Variants in TPCN1 observed in about 807,000 individuals in gnomAD.
The protein encoded by TPCN1 is two pore segment channel 1.
In TPCN1, 52 loss-of-function variants were observed where a neutral mutation model predicts 108.8. The ratio of observed to expected loss-of-function variants is 0.48; its 90% CI spans 0.38 to 0.60. TPCN1 has a LOEUF of 0.60. TPCN1 is among the 20% of genes least tolerant of loss of function. The pLI, the probability that TPCN1 is intolerant of heterozygous loss-of-function variation, is 0.00. For synonymous variants in TPCN1, 446 were observed against 433.7 expected (o/e 1.03, Z -0.35); for missense variants, 806 against 1,072.8 (o/e 0.75, Z 3.47).
chr12:113,272,700 A>G lies in TPCN1; in HGVS notation c.783+8A>G. 1.2e-6 allele frequency: 2 copies of G among 1,613,258 alleles called. No homozygotes were observed. On this transcript the variant is annotated splice_region_variant and intron_variant, in intron 8 of 27. Coordinates refer to ENST00000335509, the MANE Select transcript of TPCN1 (RefSeq NM_017901.6). The surrounding 1 kb of genome is among the most constrained non-coding windows in gnomAD (Gnocchi z 4.1). The stretch of plus-strand genomic sequence containing the variant: ...CCTAACCCTTCAGACCCCGTAAGTA[A>G]TCAGCACATTTGTCCGTCTCTTCTT...
At chr12:113,279,337 GTATATATA>G (rs1453740057) in intron 14 of TPCN1, among the ~76,000 whole-genome samples, 1 of 100,442 alleles carries the variant, frequency 1.0e-5, no homozygotes, top group African/African-American at 4.2e-5. Flanking sequence ...GTGTGTGTGT[GTATATATA>G]TGTGTGTGTG....
rs1202882586 is a variant in TPCN1, at chr12:113,270,556, C to T, written c.748+711C>T. ...AGTGCAGTGGCACGATCTCGGCTTA[C>T]TACAACCTCTGCCTCCCAGGTTCAA... On this transcript the variant is annotated intron_variant, in intron 7 of 27. Transcript: ENST00000335509. Among the ~76,000 whole-genome samples the T allele has an allele frequency of 5.3e-5, 8 of 151,884 alleles. No homozygotes were observed. In the East Asian group the frequency reaches 1.6e-3, roughly 30 times the overall value.
chr12:113,252,703 C>A (rs76010357), intron 2 of TPCN1, among the ~76,000 whole-genome samples: 3,394 of 152,344 alleles, frequency 0.022, 52 homozygotes, highest in Middle Eastern at 0.037. Flanking sequence ...CACGAGGACG[C>A]AGCTCCATCC....
At position 113,289,899 on chromosome 12, in the gene TPCN1, G is replaced by T. The variant is rs1402800837; in HGVS notation, c.1797-229G>T. 4 of 497,420 alleles carry T rather than the reference G, an allele frequency of 8.0e-6. No homozygotes were observed. Among genetic ancestry groups the T allele is most frequent in the Non-Finnish European group, 3.6e-6 (1 of 279,754 alleles). The allele number at this position is 497,420 out of a possible 1,614,324, so 30.8% of individuals were successfully genotyped here. ...AGACAACTTCCAGGTGACAGAGGTGGGTCAGGCTGGCCAGGGGATCCCGCC... is the reference window on the plus strand; with the variant it reads ...AGACAACTTCCAGGTGACAGAGGTGTGTCAGGCTGGCCAGGGGATCCCGCC... On this transcript the variant is annotated intron_variant, in intron 21 of 27. Transcript: ENST00000335509. This position sits in a 1 kb window ranked among gnomAD's most constrained non-coding sequence, Gnocchi z 4.1.
chr12:113,290,252 G>GA lies in TPCN1; in HGVS notation c.1912+14dup. ...CATCCTCAACAGCTTTGGTGAGTGG[G>GA]AAAAATCACAGGGGGCACATTCCCT... is the stretch of plus-strand genomic sequence containing the variant. On this transcript the variant is annotated intron_variant, in intron 22 of 27. Coordinates refer to ENST00000335509, the MANE Select transcript of TPCN1 (RefSeq NM_017901.6). 3 of 1,564,138 alleles carry GA rather than the reference G, an allele frequency of 1.9e-6. No individual in the cohort carries two copies. Among genetic ancestry groups the GA allele is most frequent in the Non-Finnish European group, 2.6e-6 (3 of 1,145,680 alleles).
chr12:113,278,200 T>G lies in TPCN1; in HGVS notation c.1196T>G (p.Phe399Cys). The change falls in exon 13 of 28, where the codon TTT (phenylalanine) becomes TGT (cysteine). Residue 399 changes from phenylalanine to cysteine, a missense_variant. Transcript: ENST00000335509. ...TTTGCTTTTGGTAGCCTAAAGGACT[T>G]TTACGATATCTACGAAGTTGCTGCT... ...NNTPLLSLKD[F>C]YDIYEVAALK... is the part of the protein sequence containing the mutation. The G allele has an allele frequency of 6.2e-7, 1 of 1,613,788 alleles. No individual in the cohort carries two copies. The highest frequency in any genetic ancestry group is 8.5e-7 in the Non-Finnish European group (1 of 1,179,800).
Position 113,272,682 on chromosome 12 carries a change from C to T in TPCN1, c.773C>T (p.Pro258Leu). 6.2e-7 allele frequency: 1 copy of T among 1,610,460 alleles called. No homozygotes were observed. Among genetic ancestry groups the T allele is most frequent in the South Asian group, 1.1e-5 (1 of 90,810 alleles). Residue 258 changes from proline (P) to leucine (L), a missense_variant, in exon 8 of 28, where the codon CCT becomes CTT. By Grantham distance (98) the Pro-to-Leu change is moderately conservative (BLOSUM62 -3). Transcript: ENST00000335509. This position sits in a 1 kb window ranked among gnomAD's most constrained non-coding sequence, Gnocchi z 4.1. The part of the protein sequence containing the change: ...ILGFYLFSPN[P>L]SDPYFSTLEN... The stretch of plus-strand genomic sequence containing the variant: ...GGTTTCTACTTGTTCTCCCCTAACC[C>T]TTCAGACCCCGTAAGTAATCAGCAC...
chr12:113,280,375 A>G lies in TPCN1; in HGVS notation c.1342+180A>G, dbSNP rs998455074. The stretch of plus-strand genomic sequence containing the variant: ...ACACGCATCCCCGTGCCCATCACCC[A>G]TCTGTATCTTCACTCCGGCTCATCA... On this transcript the variant is annotated intron_variant, in intron 15 of 27. Transcript: ENST00000335509. The G allele has an allele frequency of 2.2e-5, 11 of 493,266 alleles. No homozygotes were observed. In the East Asian group the frequency reaches 3.0e-4, roughly 13 times the overall value. The allele number at this position is 493,266 out of a possible 1,614,324, so 30.6% of individuals were successfully genotyped here. A position where few individuals can be genotyped will look rare whatever the true frequency, so the allele number is the denominator to read the frequency against.
intron 2 of TPCN1, among the ~76,000 whole-genome samples, chr12:113,251,004 A>G (rs1042111355): frequency 4.0e-5 from 6 of 151,622 alleles, no homozygotes; most frequent in Non-Finnish European, 8.8e-5. Flanking sequence ...AAAAATAAAA[A>G]TAGAAGAATT....
chr12:113,281,198 G>A (rs764367129), intron 15 of TPCN1, among the ~76,000 whole-genome samples: 3 of 151,638 alleles, frequency 2.0e-5, no homozygotes, highest in Non-Finnish European at 4.4e-5. Context: ...GTGCCACCAC[G>A]CCCAGCTGTT....
At position 113,292,908 on chromosome 12, in the gene TPCN1, C is replaced by T. The variant is rs1301240665; in HGVS notation, c.2114-26C>T. 4.4e-6 allele frequency: 7 copies of T among 1,605,086 alleles called. No homozygotes were observed. In the East Asian group the frequency reaches 1.6e-4, roughly 36 times the overall value. ...TTGGCAGCTGCAGCCCCGGGCCCTTCCCACACCTGCCTTCCATCCCTGCAG... is the reference window on the plus strand; with the variant it reads ...TTGGCAGCTGCAGCCCCGGGCCCTTTCCACACCTGCCTTCCATCCCTGCAG... On this transcript the variant is annotated intron_variant, in intron 25 of 27. Transcript: ENST00000335509.
chr12:113,277,947 C>T (rs190269476), intron 12 of TPCN1, among the ~76,000 whole-genome samples: 7 of 152,266 alleles, frequency 4.6e-5, no homozygotes, highest in South Asian at 2.1e-4. Context: ...TGACACTGTC[C>T]GTAGTTAGTG....
intron 27 of TPCN1, among the ~76,000 whole-genome samples, chr12:113,293,855 T>C (rs191989231): frequency 6.6e-6 from 1 of 152,282 alleles, no homozygotes; most frequent in East Asian, 1.9e-4. Context: ...TGTTTTGTTT[T>C]GAGATGGAGT....
chr12:113,289,906 C>G lies in TPCN1; in HGVS notation c.1797-222C>G, dbSNP rs1956212819. On this transcript the variant is annotated intron_variant, in intron 21 of 27. Transcript: ENST00000335509. The surrounding 1 kb of genome is among the most constrained non-coding windows in gnomAD (Gnocchi z 4.1). ...TTCCAGGTGACAGAGGTGGGTCAGG[C>G]TGGCCAGGGGATCCCGCCAAGCCCA... The G allele has an allele frequency of 1.0e-5, 5 of 500,956 alleles. No homozygotes were observed. Among genetic ancestry groups the G allele is most frequent in the Admixed American group, 3.6e-5 (1 of 27,652 alleles). 31.0% of individuals were successfully genotyped at this position (500,956 alleles called of 1,614,324 possible).
Position 113,266,017 on chromosome 12 carries a change from G to A in TPCN1, c.238-163G>A, listed in dbSNP as rs1191377212. Among the ~76,000 whole-genome samples the A allele has an allele frequency of 2.7e-5, 4 of 150,454 alleles. No individual in the cohort carries two copies. Among genetic ancestry groups the A allele is most frequent in the Non-Finnish European group, 4.4e-5 (3 of 67,996 alleles). On this transcript the variant is annotated intron_variant, in intron 3 of 27. Transcript: ENST00000335509. This position sits in a 1 kb window ranked among gnomAD's most constrained non-coding sequence, Gnocchi z 4.2. ...CAGGCAGGAGTGAGACCTGACCACCGTGAGTTTCGCGAAGATCATTTTGAT... is the reference window on the plus strand; with the variant it reads ...CAGGCAGGAGTGAGACCTGACCACCATGAGTTTCGCGAAGATCATTTTGAT...
rs577477149 is a variant in TPCN1, at chr12:113,266,321, G to A, written c.379G>A (p.Ala127Thr). 2.5e-6 allele frequency: 4 copies of A among 1,610,698 alleles called. No individual in the cohort carries two copies. In the African/African-American group the frequency reaches 5.3e-5, roughly 22 times the overall value. Reference sequence around the variant, plus strand: ...GCTGCTGCTGCTCTCCCTGTGCGAGGCCCCCGCCGTCCCCGCACTCCGGCT... The same window carrying A: ...GCTGCTGCTGCTCTCCCTGTGCGAGACCCCCGCCGTCCCCGCACTCCGGCT... ...LLLLLLSLCE[A>T]PAVPALRLGI... The change falls in exon 4 of 28, where the codon GCC (alanine) becomes ACC (threonine). Residue 127 changes from alanine (A) to threonine (T), a missense_variant. Coordinates refer to ENST00000335509, the MANE Select transcript of TPCN1 (RefSeq NM_017901.6). This position sits in a 1 kb window ranked among gnomAD's most constrained non-coding sequence, Gnocchi z 4.2.
Position 113,269,787 on chromosome 12 carries a change from G to A in TPCN1, c.690G>A (p.Pro230=), listed in dbSNP as rs1417323519. Residue 230 remains proline (P), a synonymous_variant, in exon 7 of 28, where the codon CCG becomes CCA. Transcript: ENST00000335509. The surrounding 1 kb of genome is among the most constrained non-coding windows in gnomAD (Gnocchi z 5.0). The part of the protein sequence containing the change: ...RNLRQIFQSL[P]PFMDILLLLL... The stretch of plus-strand genomic sequence containing the variant: ...TGCGGCAGATCTTCCAGTCCCTGCC[G>A]CCCTTCATGGACATCCTCCTGCTGC... 4.3e-6 allele frequency: 7 copies of A among 1,613,644 alleles called. No individual in the cohort carries two copies. The highest frequency in any genetic ancestry group is 1.3e-5 in the African/African-American group (1 of 74,872).
chr12:113,272,761 C>CCG lies in TPCN1; in HGVS notation c.783+69_783+70insCG. ...CTTTTCCCTCAGACAGGGTCACCGG[C>CCG]GTGACCCTGTGGCCATATGGGGAAG... On this transcript the variant is annotated intron_variant, in intron 8 of 27. Coordinates refer to ENST00000335509, the MANE Select transcript of TPCN1 (RefSeq NM_017901.6). This position sits in a 1 kb window ranked among gnomAD's most constrained non-coding sequence, Gnocchi z 4.1. 7 of 1,481,440 alleles carry CCG rather than the reference C, an allele frequency of 4.7e-6. No individual in the cohort carries two copies. Among genetic ancestry groups the CCG allele is most frequent in the Non-Finnish European group, 6.6e-6 (7 of 1,059,200 alleles). The allele number at this position is 1,481,440 out of a possible 1,614,324, so 91.8% of individuals were successfully genotyped here. A position where few individuals can be genotyped will look rare whatever the true frequency, so the allele number is the denominator to read the frequency against.
rs1193534531 is a variant in TPCN1 at position 113,272,189 on chromosome 12, T to A, written c.749-469T>A. Among the ~76,000 whole-genome samples, 1 of 152,124 alleles carries A rather than the reference T, an allele frequency of 6.6e-6. No homozygotes were observed. Among genetic ancestry groups the A allele is most frequent in the African/African-American group, 2.4e-5 (1 of 41,442 alleles). On this transcript the variant is annotated intron_variant, in intron 7 of 27. Transcript: ENST00000335509. This position sits in a 1 kb window ranked among gnomAD's most constrained non-coding sequence, Gnocchi z 4.1. ...AGGATTTCAGGGACTCAGGGAGTGG[T>A]CCATTCCTGGAGGGAGGAAGTGAAT... is the stretch of plus-strand genomic sequence containing the variant.
Sources: gnomAD v4.1 joint callset for allele counts (sites outside exome capture counted in the v4.1 genomes callset) on GRCh38, gnomAD v4.1.1 for gene constraint, Gnocchi (gnomAD v3.1) non-coding constraint, MANE v1.5 for transcripts, NCBI Gene and HGNC (gene_info 2026-07-23, HGNC 2026-07-21) for gene names.